Variants in SERPINE2 observed in about 807,000 individuals in gnomAD.
SERPINE2 encodes the protein serpin family E member 2, also known as glia-derived nexin.
Under a neutral mutation model 36.3 loss-of-function variants are expected in SERPINE2, and 14 were observed. The ratio of observed to expected loss-of-function variants is 0.39; its 90% CI spans 0.25 to 0.60. The LOEUF (loss-of-function observed/expected upper bound fraction) is 0.60. Among genes scored for constraint, SERPINE2 ranks in the 20% least tolerant of loss-of-function variants. The pLI, the probability that SERPINE2 is intolerant of heterozygous loss-of-function variation, is 0.57. For missense variants in SERPINE2, 418 were observed against 499.6 expected, an observed-to-expected ratio of 0.84 and a Z score of 1.56; for synonymous variants, 192 against 191.8, an observed-to-expected ratio of 1.00 and a Z score of -0.01.
intron 1 of SERPINE2, among the ~76,000 whole-genome samples, chr2:224,025,388 C>T (rs1221625636): frequency 6.6e-6 from 1 of 152,168 alleles, no homozygotes. Flanking sequence ...CCTCCTCCAG[C>T]GTTAATTCTT....
intron 1 of SERPINE2, among the ~76,000 whole-genome samples, chr2:224,016,851 T>C (rs1272848404): frequency 1.3e-5 from 2 of 152,232 alleles, no homozygotes; most frequent in African/African-American, 4.8e-5. Context: ...AGAACTATGC[T>C]GAATGGAAAA....
chr2:223,983,694 GCACACACA>G (rs71058970), intron 5 of SERPINE2, among the ~76,000 whole-genome samples: 2 of 18,910 alleles, frequency 1.1e-4, no homozygotes, highest in East Asian at 9.0e-4. Context: ...GGAGATATAT[GCACACACA>G]CACACACACA....
At chr2:224,017,280 C>T (rs998312864) in intron 1 of SERPINE2, among the ~76,000 whole-genome samples, 2 of 149,832 alleles carry the variant, frequency 1.3e-5, no homozygotes, top group Non-Finnish European at 3.0e-5. Context: ...TTTTTTTTTA[C>T]GACTGCATGT....
At chr2:223,987,358 G>A (rs951723762) in intron 4 of SERPINE2, among the ~76,000 whole-genome samples, 6 of 152,044 alleles carry the variant, frequency 3.9e-5, no homozygotes, top group African/African-American at 4.8e-5. Context: ...GGAATATTAC[G>A]TAGCTGATAA....
At chr2:224,026,123 C>A (rs10194024) in intron 1 of SERPINE2, among the ~76,000 whole-genome samples, 66,997 of 152,078 alleles carry the variant, frequency 0.44, 16,881 homozygotes, top group Non-Finnish European at 0.55. Flanking sequence ...CAGTTCAATG[C>A]TGACAAGTAC....
rs1387590804 is a variant in SERPINE2, at chr2:223,975,081, A to C, written c.*786T>G. On this transcript the variant is annotated 3_prime_UTR_variant, in exon 9 of 9. Transcript: ENST00000409304. ...TGATGTTTACATAGTACAAAGGTTT[A>C]TTAGAAGAGGCTGACGAATGTCTAA... The C allele has an allele frequency of 6.6e-6, 1 of 152,294 alleles. No individual in the cohort carries two copies. The highest frequency in any genetic ancestry group is 1.5e-5 in the Non-Finnish European group (1 of 68,046). 9.4% of individuals were successfully genotyped at this position (152,294 alleles called of 1,614,324 possible). A position where few individuals can be genotyped will look rare whatever the true frequency, so the allele number is the denominator to read the frequency against.
chr2:224,019,391 T>C (rs190977924), intron 1 of SERPINE2, among the ~76,000 whole-genome samples: 3 of 152,314 alleles, frequency 2.0e-5, no homozygotes, highest in Non-Finnish European at 2.9e-5. Flanking sequence ...AGGCCACCAA[T>C]AAGGTGGAGA....
At chr2:224,038,738 C>A in intron 1 of SERPINE2, 1 of 574,744 alleles carries the variant, frequency 1.7e-6, no homozygotes, top group South Asian at 2.2e-5. Flanking sequence ...GGTTCAGGGT[C>A]AGGGCCGGCT....
chr2:224,035,199 T>C (rs1016800986), intron 1 of SERPINE2, among the ~76,000 whole-genome samples: 2 of 152,032 alleles, frequency 1.3e-5, no homozygotes, highest in South Asian at 2.1e-4. Flanking sequence ...TCGATGATCG[T>C]CTCAGCCTAG....
At chr2:224,031,495 A>G in intron 1 of SERPINE2, 4 of 985,518 alleles carry the variant, frequency 4.1e-6, no homozygotes, top group Non-Finnish European at 4.8e-6. Context: ...GTGATTTGGG[A>G]TTCAGCCAAT....
At chr2:224,038,780 G>T (rs1039151088) in intron 1 of SERPINE2, 9 of 507,042 alleles carry the variant, frequency 1.8e-5, no homozygotes, top group Non-Finnish European at 3.1e-5. Context: ...CGCCGGCCCC[G>T]GTGCTCCCAG....
chr2:224,003,957 ACAGT>A (rs779865628), intron 1 of SERPINE2, among the ~76,000 whole-genome samples: 3 of 152,266 alleles, frequency 2.0e-5, no homozygotes, highest in South Asian at 4.2e-4. Flanking sequence ...GGGCACAACC[ACAGT>A]GTTAGGCAAA....
chr2:223,980,324 A>G lies in SERPINE2; in HGVS notation c.1059T>C (p.Ala353=), dbSNP rs765172215. ...CCCAGTGCTTACTTGTTGCTGCTGA[A>G]GCTTTGGTTCCATCTTCACTGACTT... is the stretch of plus-strand genomic sequence containing the variant. ...KIEVSEDGTK[A]SAATTAILIA... The change falls in exon 7 of 9, where the codon GCT becomes GCC. Residue 353 remains alanine (A), a synonymous_variant. Coordinates refer to ENST00000409304, the MANE Select transcript of SERPINE2 (RefSeq NM_001136528.2). 1.2e-6 allele frequency: 2 copies of G among 1,614,094 alleles called. No individual in the cohort carries two copies. Among genetic ancestry groups the G allele is most frequent in the South Asian group, 2.2e-5 (2 of 91,084 alleles).
At chr2:223,977,294 CCT>C in intron 8 of SERPINE2, among the ~76,000 whole-genome samples, 1 of 152,132 alleles carries the variant, frequency 6.6e-6, no homozygotes, top group Non-Finnish European at 1.5e-5. Flanking sequence ...GGATGCTGAG[CCT>C]CTCTGTTAAA....
rs1261671355 is a variant in SERPINE2, at chr2:224,031,440, C to T, written c.-23+7659G>A. 2.3e-5 allele frequency: 23 copies of T among 985,696 alleles called. No homozygotes were observed. The South Asian group carries it at 7.0e-4, about 30-fold the overall frequency. The allele number at this position is 985,696 out of a possible 1,614,324, so 61.1% of individuals were successfully genotyped here. ...AAGGCAGCTGGGGAACGCCAGGCAG[C>T]ACGGTCCTCTCCACTCCCTTTCCTC... On this transcript the variant is annotated intron_variant, in intron 1 of 8. Transcript: ENST00000409304.
At chr2:224,031,015 T>C (rs1692344952) in intron 1 of SERPINE2, 54 of 985,348 alleles carry the variant, frequency 5.5e-5, no homozygotes, top group Non-Finnish European at 6.4e-5. Context: ...TGTGTTTTGG[T>C]TGTGATACTA....
rs1171328507 is a variant in SERPINE2, at chr2:224,031,120, T to G, written c.-23+7979A>C. On this transcript the variant is annotated intron_variant, in intron 1 of 8. Coordinates refer to ENST00000409304, the MANE Select transcript of SERPINE2 (RefSeq NM_001136528.2). The stretch of plus-strand genomic sequence containing the variant: ...CAAGAAGGTATAAACATTGATGGGA[T>G]GTAAATCTTTGAATATCCATGGTAT... 3.0e-6 allele frequency: 3 copies of G among 985,316 alleles called. No homozygotes were observed. The African/African-American group carries it at 5.2e-5, about 17-fold the overall frequency. 61.0% of individuals were successfully genotyped at this position (985,316 alleles called of 1,614,324 possible).
At chr2:224,019,506 C>T (rs1288623094) in intron 1 of SERPINE2, among the ~76,000 whole-genome samples, 7 of 152,156 alleles carry the variant, frequency 4.6e-5, no homozygotes, top group Non-Finnish European at 1.0e-4. Context: ...GTCATCTTCC[C>T]TTGTCTTTGT....
chr2:223,998,161 G>A lies in SERPINE2; in HGVS notation c.441C>T (p.Ala147=). 3 of 1,614,196 alleles carry A rather than the reference G, an allele frequency of 1.9e-6. No individual in the cohort carries two copies. Among genetic ancestry groups the A allele is most frequent in the Non-Finnish European group, 8.5e-7 (1 of 1,180,040 alleles). The part of the protein sequence containing the change: ...EVRNVNFEDP[A]SACDSINAWV... ...ATGCATTGATGGAATCACAGGCAGA[G>A]GCTGGATCCTCAAAGTTCACATTCC... The change falls in exon 3 of 9, where the codon GCC becomes GCT. Residue 147 remains alanine (A), a synonymous_variant. Coordinates refer to ENST00000409304, the MANE Select transcript of SERPINE2 (RefSeq NM_001136528.2).
Sources: allele counts gnomAD v4.1 joint callset (sites outside exome capture counted in the v4.1 genomes callset), GRCh38; gene constraint gnomAD v4.1.1; transcripts MANE v1.5; gene names NCBI Gene and HGNC (gene_info 2026-07-23, HGNC 2026-07-21).